Variants in ESAM observed in about 807,000 individuals in gnomAD.
ESAM encodes endothelial cell-selective adhesion molecule.
In ESAM, 23 loss-of-function variants were observed where a neutral mutation model predicts 31.8. The ratio of observed to expected loss-of-function variants is 0.72; its 90% CI spans 0.52 to 1.03. The LOEUF (loss-of-function observed/expected upper bound fraction) is 1.03. Ranked by LOEUF, ESAM falls within the 50% of genes least tolerant of loss-of-function variation. The pLI is 0.00. For missense variants in ESAM, 478 were observed against 488.9 expected (o/e 0.98, Z 0.21); for synonymous variants, 216 against 207.2 (o/e 1.04, Z -0.37).
At chr11:124,756,807 C>T in intron 2 of ESAM, 65 bp from the exon 3 acceptor site, 1 of 1,533,662 alleles carries the variant, frequency 6.5e-7, no homozygotes, top group Non-Finnish European at 8.9e-7. Context: ...CAGGCTCAGC[C>T]ACTCTCCCTC....
chr11:124,756,770 C>T (rs746852671), intron 2 of ESAM, 28 bp from the exon 3 acceptor site: 3 of 1,607,664 alleles, frequency 1.9e-6, no homozygotes, highest in East Asian at 2.2e-5. Context: ...ACATCCCCGT[C>T]ATTACTACAT....
chr11:124,758,655 C>T, intron 1 of ESAM, 128 bp from the exon 2 acceptor site: 1 of 1,198,714 alleles, frequency 8.3e-7, no homozygotes, highest in Non-Finnish European at 1.1e-6. Context: ...CTTGCGGGGT[C>T]CGGCCCCTGG....
Position 124,762,108 on chromosome 11 carries a change from A to C in ESAM, c.47T>G (p.Leu16Trp). ...GPLVTNLLRF[L>W]FLGLSALAPP... ...ACCGAGGGCACTCAGCCCCAGGAACAAAAACCGCAGCAAGTTGGTCACCAG... is the reference window on the plus strand; with the variant it reads ...ACCGAGGGCACTCAGCCCCAGGAACCAAAACCGCAGCAAGTTGGTCACCAG... The change falls in exon 1 of 7, where the codon TTG (leucine) becomes TGG (tryptophan). Residue 16 changes from leucine (L) to tryptophan (W), a missense_variant. Transcript: ENST00000278927. The surrounding 1 kb of genome is among the most constrained non-coding windows in gnomAD (Gnocchi z 6.4). 1 of 1,609,526 alleles carries C rather than the reference A, an allele frequency of 6.2e-7. No homozygotes were observed. The highest frequency in any genetic ancestry group is 1.7e-4 in the Middle Eastern group (1 of 6,044).
In ESAM at chr11:124,753,786, G is replaced by T; in HGVS notation, c.1033C>A (p.Pro345Thr). ...GCCCCATCTGTCGTGGGCAGTCTTG[G>T]TGAGGGCAGGGCCTGGCTGGAGAGA... is the stretch of plus-strand genomic sequence containing the variant. ...PSLSSQALPS[P>T]RLPTTDGAHP... The change falls in exon 7 of 7, where the codon CCA (proline) becomes ACA (threonine). Residue 345 changes from proline (P) to threonine (T), a missense_variant. Transcript: ENST00000278927. 6.2e-7 allele frequency: 1 copy of T among 1,613,918 alleles called. No homozygotes were observed. Among genetic ancestry groups the T allele is most frequent in the Non-Finnish European group, 8.5e-7 (1 of 1,179,906 alleles).
chr11:124,758,718 C>T (rs1397902959), intron 1 of ESAM, among the ~76,000 whole-genome samples, 191 bp from the exon 2 acceptor site: 2 of 152,242 alleles, frequency 1.3e-5, no homozygotes, highest in South Asian at 2.1e-4. Context: ...CTTCCCATTT[C>T]ATCACGACTT....
chr11:124,757,693 CTT>C (rs5795429), intron 2 of ESAM, among the ~76,000 whole-genome samples: 2,804 of 124,910 alleles, frequency 0.022, 86 homozygotes, highest in African/African-American at 0.084. Flanking sequence ...AATATGCTAA[CTT>C]TTTTTTTTTT....
In ESAM at chr11:124,753,849, CA is replaced by C; in HGVS notation, c.969del (p.His323GlnfsTer9). On this transcript the variant is annotated frameshift_variant, in exon 7 of 7. Coordinates refer to ENST00000278927, the MANE Select transcript of ESAM (RefSeq NM_138961.3). LOFTEE classifies it low-confidence loss of function (END_TRUNC). ...VTSARALRPP[H>X]GPPRPGALTP... is the part of the protein sequence containing the mutation. ...GTCAATGCACCAGGCCTGGGAGGGC[CA>C]TGGGGTGGCCGGAGGGCTCGTGCGG... The C allele has an allele frequency of 1.9e-6, 3 of 1,613,632 alleles. No homozygotes were observed. The South Asian group carries it at 3.3e-5, about 18-fold the overall frequency.
chr11:124,755,745 C>T (rs1181273258), intron 4 of ESAM, among the ~76,000 whole-genome samples: 1 of 152,180 alleles, frequency 6.6e-6, no homozygotes, highest in Non-Finnish European at 1.5e-5. Context: ...TTCCATATGA[C>T]CACAATAGCA....
Position 124,753,527 on chromosome 11 carries a change from G to A in ESAM, c.*119C>T. The A allele has an allele frequency of 1.9e-6, 2 of 1,073,652 alleles. No homozygotes were observed. Among genetic ancestry groups the A allele is most frequent in the Non-Finnish European group, 2.7e-6 (2 of 748,238 alleles). 66.5% of individuals were successfully genotyped at this position (1,073,652 alleles called of 1,614,324 possible). ...GTTTTCCCACAGTAAAGAGAGGTGGGGGCAGAGTACTAAGGGTCAGGAGTG... is the reference window on the plus strand; with the variant it reads ...GTTTTCCCACAGTAAAGAGAGGTGGAGGCAGAGTACTAAGGGTCAGGAGTG... On this transcript the variant is annotated 3_prime_UTR_variant, in exon 7 of 7. Coordinates refer to ENST00000278927, the MANE Select transcript of ESAM (RefSeq NM_138961.3).
chr11:124,756,835 C>A, intron 2 of ESAM, 93 bp from the exon 3 acceptor site: 1 of 1,332,436 alleles, frequency 7.5e-7, no homozygotes, highest in Non-Finnish European at 1.1e-6. Flanking sequence ...TCGCATTCTC[C>A]AAATGCCCCT....
rs116604107 is a variant in ESAM, at chr11:124,753,913, G to A, written c.906C>T (p.Asp302=). ...AAAGGGTCCCATTCTTGGAGATTGT[G>A]TCTGAGCTCTTGGGCCAGGGCAGGG... ...PRTLPWPKSS[D]TISKNGTLSS... The change falls in exon 7 of 7, where the codon GAC becomes GAT. Residue 302 remains aspartate (D), a synonymous_variant. Transcript: ENST00000278927. 1.1e-4 allele frequency: 173 copies of A among 1,614,058 alleles called. No homozygotes were observed. In the African/African-American group the frequency reaches 2.2e-3, roughly 20 times the overall value.
rs766107198 is a variant in ESAM at position 124,758,416 on chromosome 11, G to A, written c.182C>T (p.Ser61Phe). 6.2e-6 allele frequency: 10 copies of A among 1,614,152 alleles called. No homozygotes were observed. Among genetic ancestry groups the A allele is most frequent in the South Asian group, 5.5e-5 (5 of 91,088 alleles). The change falls in exon 2 of 7, where the codon TCT becomes TTT. Residue 61 changes from serine (S) to phenylalanine (F), a missense_variant. Coordinates refer to ENST00000278927, the MANE Select transcript of ESAM (RefSeq NM_138961.3). ...GGGCACCTCCCATGGCTGGGATGAAGACACCTCCCCGTGCAAGGTGTACCA... is the reference window on the plus strand; with the variant it reads ...GGGCACCTCCCATGGCTGGGATGAAAACACCTCCCCGTGCAAGGTGTACCA... The part of the protein sequence containing the change: ...PAWYTLHGEV[S>F]SSQPWEVPFV...
In ESAM at chr11:124,753,732, C is replaced by G. The variant is rs757539784; in HGVS notation, c.1087G>C (p.Gly363Arg). 3.7e-6 allele frequency: 6 copies of G among 1,614,158 alleles called. No individual in the cohort carries two copies. The highest frequency in any genetic ancestry group is 4.2e-6 in the Non-Finnish European group (5 of 1,180,040). The change falls in exon 7 of 7, where the codon GGT becomes CGT. Residue 363 changes from glycine to arginine, a missense_variant. Coordinates refer to ENST00000278927, the MANE Select transcript of ESAM (RefSeq NM_138961.3). ...CTCAAGCCAGAGGAAGAAACCCCAC[C>G]AGGGATGGGGGATATTGGTTGAGGG... ...AHPQPISPIP[G>R]GVSSSGLSRM...
rs749470691 is a variant in ESAM at position 124,753,656 on chromosome 11, G to C, written c.1163C>G (p.Ser388Cys). The C allele has an allele frequency of 9.9e-6, 16 of 1,613,540 alleles. No individual in the cohort carries two copies. In the South Asian group the frequency reaches 1.5e-4, roughly 16 times the overall value. ...TGAGTGGTGGGGTCATCATACCAGA[G>C]AGCCAGCTTGACTCTGGGCAGGCAC... ...VMVPAQSQAGSLV is the reference protein window; with the variant it reads ...VMVPAQSQAGCLV The change falls in exon 7 of 7, where the codon TCT becomes TGT. Residue 388 changes from serine to cysteine, a missense_variant. Physicochemically the swap from Ser to Cys is moderately radical, Grantham distance 112. Transcript: ENST00000278927.
Position 124,754,861 on chromosome 11 carries a change from TGGGAGTCAC to T in ESAM, c.608-107_608-99del. 6.8e-7 allele frequency: 1 copy of T among 1,468,758 alleles called. No homozygotes were observed. Among genetic ancestry groups the T allele is most frequent in the Non-Finnish European group, 9.1e-7 (1 of 1,100,418 alleles). The allele number at this position is 1,468,758 out of a possible 1,614,324, so 91.0% of individuals were successfully genotyped here. ...CTCTGGAATGTCCCCTTTGACCCTC[TGGGAGTCAC>T]GGCTTGTCTATTCCCTGATGGGGGG... On this transcript the variant is annotated intron_variant, in intron 4 of 6. Coordinates refer to ENST00000278927, the MANE Select transcript of ESAM (RefSeq NM_138961.3). This position sits in a 1 kb window ranked among gnomAD's most constrained non-coding sequence, Gnocchi z 4.5.
chr11:124,759,178 G>A lies in ESAM; in HGVS notation c.71-651C>T, dbSNP rs2134462052. The A allele has an allele frequency of 6.6e-6, 1 of 152,342 alleles. No homozygotes were observed. Among genetic ancestry groups the A allele is most frequent in the East Asian group, 1.9e-4 (1 of 5,180 alleles). The allele number at this position is 152,342 out of a possible 1,614,324, so 9.4% of individuals were successfully genotyped here. A position where few individuals can be genotyped will look rare whatever the true frequency, so the allele number is the denominator to read the frequency against. ...AAAACGGAGGGTTGAAACCCAGAAA[G>A]CTCCTCGGAGCCCTTCTGGGGTTCG... On this transcript the variant is annotated intron_variant, in intron 1 of 6. Transcript: ENST00000278927. The surrounding 1 kb of genome is among the most constrained non-coding windows in gnomAD (Gnocchi z 6.8).
chr11:124,758,242 T>C, intron 2 of ESAM, 107 bp downstream of exon 2: 1 of 1,333,290 alleles, frequency 7.5e-7, no homozygotes, highest in Non-Finnish European at 1.0e-6. Flanking sequence ...CTGAAACTCC[T>C]TCCCCGGCCC....
chr11:124,759,648 G>A lies in ESAM; in HGVS notation c.71-1121C>T, dbSNP rs1334783492. ...TGAAGGCCTCTAAGGGCTGGGAGCC[G>A]ATCCGGCCAGGATGCAAGCCTCCCC... is the stretch of plus-strand genomic sequence containing the variant. On this transcript the variant is annotated intron_variant, in intron 1 of 6. Transcript: ENST00000278927. The surrounding 1 kb of genome is among the most constrained non-coding windows in gnomAD (Gnocchi z 6.8). Among the ~76,000 whole-genome samples the A allele has an allele frequency of 1.3e-5, 2 of 152,230 alleles. No homozygotes were observed. The highest frequency in any genetic ancestry group is 3.9e-4 in the East Asian group (2 of 5,182).
rs187718052 is a variant in ESAM, at chr11:124,759,028, C to T, written c.71-501G>A. 1 of 155,420 alleles carries T rather than the reference C, an allele frequency of 6.4e-6. No homozygotes were observed. Among genetic ancestry groups the T allele is most frequent in the East Asian group, 1.9e-4 (1 of 5,202 alleles). The allele number at this position is 155,420 out of a possible 1,614,324, so 9.6% of individuals were successfully genotyped here. A position where few individuals can be genotyped will look rare whatever the true frequency, so the allele number is the denominator to read the frequency against. On this transcript the variant is annotated intron_variant, in intron 1 of 6. Coordinates refer to ENST00000278927, the MANE Select transcript of ESAM (RefSeq NM_138961.3). The surrounding 1 kb of genome is among the most constrained non-coding windows in gnomAD (Gnocchi z 6.8). The stretch of plus-strand genomic sequence containing the variant: ...GGGAGGCCGTCTGGTTACCTATTAA[C>T]CCTGCGGCTCCTTCTGAGCTTGCCA...
Sources: gnomAD v4.1 joint callset for allele counts (sites outside exome capture counted in the v4.1 genomes callset) on GRCh38, gnomAD v4.1.1 for gene constraint, Gnocchi (gnomAD v3.1) non-coding constraint, MANE v1.5 for transcripts, NCBI Gene and HGNC (gene_info 2026-07-23, HGNC 2026-07-21) for gene names.